The following ZFP62 variants were observed in gnomAD, a reference collection of about 807,000 sequenced individuals.
The protein encoded by ZFP62 is zinc finger protein 62 homolog.
Under a neutral mutation model 56.4 loss-of-function variants are expected in ZFP62, and 44 were observed. That is an observed-to-expected ratio of 0.78 (90% CI 0.61 to 1.00). ZFP62 has a LOEUF of 1.00. Among genes scored for constraint, ZFP62 ranks in the 50% least tolerant of loss-of-function variants. The probability of loss-of-function intolerance (pLI) is 0.00; values close to 1 mark genes in which losing one functional copy is unlikely to be tolerated. For synonymous variants in ZFP62, 421 were observed against 388.9 expected (o/e 1.08, Z -0.97); for missense variants, 1,030 against 1,085.7 (o/e 0.95, Z 0.72).
In ZFP62 at chr5:180,847,948, T is replaced by A; in HGVS notation, c.*844A>T. On this transcript the variant is annotated 3_prime_UTR_variant, in exon 2 of 2. Transcript: ENST00000502412. ...GTAAGGTGCGAATTCATGTTGACGGTGTGTTCCATTAGTTACTGAATGTGT... is the reference window on the plus strand; with the variant it reads ...GTAAGGTGCGAATTCATGTTGACGGAGTGTTCCATTAGTTACTGAATGTGT... 1 of 985,474 alleles carries A rather than the reference T, an allele frequency of 1.0e-6. No homozygotes were observed. Among genetic ancestry groups the A allele is most frequent in the Non-Finnish European group, 1.2e-6 (1 of 829,932 alleles). The allele number at this position is 985,474 out of a possible 1,614,324, so 61.0% of individuals were successfully genotyped here.
the ZFP62 span, among the ~76,000 whole-genome samples, chr5:180,832,327 A>AT: frequency 5.3e-5 from 8 of 152,068 alleles, no homozygotes; most frequent in South Asian, 1.7e-3. Context: ...TAATTTTTGC[A>AT]TTTTTTGTAG....
At chr5:180,838,385 T>C in the ZFP62 span, among the ~76,000 whole-genome samples, 1 of 152,186 alleles carries the variant, frequency 6.6e-6, no homozygotes, top group Non-Finnish European at 1.5e-5. Flanking sequence ...GAGGAAGGGC[T>C]GAGGCACCAT....
At chr5:180,854,662 G>A (rs188667070) in intron 1 of ZFP62, among the ~76,000 whole-genome samples, 1 of 152,202 alleles carries the variant, frequency 6.6e-6, no homozygotes, top group African/African-American at 2.4e-5. Flanking sequence ...GGGGCAGATA[G>A]ACATAATATG....
chr5:180,838,169 T>C, the ZFP62 span, among the ~76,000 whole-genome samples: 6 of 152,090 alleles, frequency 3.9e-5, no homozygotes, highest in Admixed American at 2.6e-4. Flanking sequence ...GATTCTGTTG[T>C]GGGGGGACAG....
At chr5:180,829,859 A>C in the ZFP62 span, 1 of 152,392 alleles carries the variant, frequency 6.6e-6, no homozygotes, top group Non-Finnish European at 1.5e-5. Flanking sequence ...GTCAAGAGCC[A>C]GGCCCCAGCT....
At chr5:180,853,453 G>A (rs1180809047) in intron 1 of ZFP62, among the ~76,000 whole-genome samples, 2 of 152,208 alleles carry the variant, frequency 1.3e-5, no homozygotes, top group African/African-American at 4.8e-5. Context: ...TGGAGCAGAA[G>A]GGATGGGAGA....
At chr5:180,860,125 G>A (rs956317318) in intron 1 of ZFP62, among the ~76,000 whole-genome samples, 1 of 152,124 alleles carries the variant, frequency 6.6e-6, no homozygotes, top group African/African-American at 2.4e-5. Flanking sequence ...AAAGAATCAA[G>A]GAGTTAGAAG....
At chr5:180,851,658 C>T (rs558512717) in intron 1 of ZFP62, among the ~76,000 whole-genome samples, 165 bp from the exon 2 acceptor site, 5 of 152,310 alleles carry the variant, frequency 3.3e-5, no homozygotes, top group African/African-American at 1.2e-4. Context: ...AGGGATACAA[C>T]AATGAATATG....
At chr5:180,843,847 G>A (rs1561898298), downstream of ZFP62, among the ~76,000 whole-genome samples, 1 of 152,196 alleles carries the variant, frequency 6.6e-6, no homozygotes, top group African/African-American at 2.4e-5. Context: ...CTTCACTAAG[G>A]TTAAACACAT....
At chr5:180,858,114 G>T (rs1389476270) in intron 1 of ZFP62, among the ~76,000 whole-genome samples, 1 of 146,028 alleles carries the variant, frequency 6.8e-6, no homozygotes, top group Non-Finnish European at 1.5e-5. Context: ...AAAATTAGCT[G>T]GGCATGGTGG....
chr5:180,834,236 G>A, the ZFP62 span: 1 of 152,244 alleles, frequency 6.6e-6, no homozygotes, highest in South Asian at 2.1e-4. Context: ...TCTCACAGCT[G>A]TTGCATTAGG....
chr5:180,853,242 G>A (rs917159369), intron 1 of ZFP62, among the ~76,000 whole-genome samples: 10 of 152,214 alleles, frequency 6.6e-5, no homozygotes, highest in African/African-American at 2.4e-4. Context: ...TACTGAAAAA[G>A]GACGAGGAGC....
In ZFP62 at chr5:180,849,331, C is replaced by A. The variant is rs1044062839; in HGVS notation, c.2164G>T (p.Val722Phe). ...TTGAAGGGTTTCTCCCCAAGATGGA[C>A]TCTTTTATGGCTTATAAGAGTTCTG... ...SSRTLISHKR[V>F]HLGEKPFKCV... Residue 722 changes from valine to phenylalanine, a missense_variant, in exon 2 of 2, where the codon GTC becomes TTC. Val to Phe is a conservative substitution (Grantham distance 50, BLOSUM62 -1). Transcript: ENST00000502412. 1.3e-6 allele frequency: 2 copies of A among 1,551,896 alleles called. No homozygotes were observed. Among genetic ancestry groups the A allele is most frequent in the African/African-American group, 2.7e-5 (2 of 72,992 alleles).
chr5:180,833,186 G>A, the ZFP62 span, among the ~76,000 whole-genome samples: 2 of 152,094 alleles, frequency 1.3e-5, no homozygotes, highest in African/African-American at 2.4e-5. Context: ...CTCATGAATG[G>A]AATGACTGCC....
the ZFP62 span, among the ~76,000 whole-genome samples, chr5:180,837,477 G>A: frequency 6.6e-6 from 1 of 152,172 alleles, no homozygotes; most frequent in Non-Finnish European, 1.5e-5. Flanking sequence ...GACAGATGTC[G>A]GCAGTGAGGG....
In ZFP62 at chr5:180,848,732, C is replaced by T; in HGVS notation, c.*60G>A. The T allele has an allele frequency of 1.4e-6, 2 of 1,455,254 alleles. No homozygotes were observed. The highest frequency in any genetic ancestry group is 1.8e-6 in the Non-Finnish European group (2 of 1,100,870). The allele number at this position is 1,455,254 out of a possible 1,614,324, so 90.1% of individuals were successfully genotyped here. A position where few individuals can be genotyped will look rare whatever the true frequency, so the allele number is the denominator to read the frequency against. On this transcript the variant is annotated 3_prime_UTR_variant, in exon 2 of 2. Coordinates refer to ENST00000502412, the MANE Select transcript of ZFP62 (RefSeq NM_001172638.2). ...ATTACAAGCCATGACCCCCTACATT[C>T]TTACATTCATAAGGTATTTCTTCCA...
At chr5:180,852,079 T>C in intron 1 of ZFP62, 1 of 952,348 alleles carries the variant, frequency 1.1e-6, no homozygotes, top group Non-Finnish European at 1.3e-6. Context: ...TAAAATATAT[T>C]ATTAAACGTC....
chr5:180,833,718 T>C, the ZFP62 span, among the ~76,000 whole-genome samples: 1 of 151,152 alleles, frequency 6.6e-6, no homozygotes, highest in East Asian at 2.0e-4. Flanking sequence ...TTGCCCAGGC[T>C]GGAGCGCAGT....
chr5:180,858,939 A>G (rs931489122), intron 1 of ZFP62, among the ~76,000 whole-genome samples: 6 of 152,228 alleles, frequency 3.9e-5, no homozygotes, highest in African/African-American at 1.4e-4. Context: ...CACTCCTTCC[A>G]AACTACATAC....
Sources: allele counts gnomAD v4.1 joint callset (sites outside exome capture counted in the v4.1 genomes callset), GRCh38; gene constraint gnomAD v4.1.1; transcripts MANE v1.5; gene names NCBI Gene and HGNC (gene_info 2026-07-23, HGNC 2026-07-21).